Variants in SLC35E4 observed in about 807,000 individuals in gnomAD.
The protein encoded by SLC35E4 is solute carrier family 35, member E4.
SLC35E4 carries 15 observed loss-of-function variants against 19.3 expected under a neutral mutation model. The ratio of observed to expected loss-of-function variants is 0.78; its 90% CI spans 0.52 to 1.20. The LOEUF (loss-of-function observed/expected upper bound fraction) is 1.20. Among genes scored for constraint, SLC35E4 ranks in the 50% most tolerant of loss-of-function variants. The pLI is 0.00. For synonymous variants in SLC35E4, 219 were observed against 219.9 expected (o/e 1.00, Z 0.04); for missense variants, 406 against 472.3 (o/e 0.86, Z 1.30).
chr22:30,660,993 G>C (rs1004330764), intron 2 of SLC35E4, among the ~76,000 whole-genome samples: 21 of 152,048 alleles, frequency 1.4e-4, no homozygotes, highest in Non-Finnish European at 2.2e-4. Context: ...ACAGGCACTT[G>C]CCACTACGCC....
chr22:30,636,665 C>G lies in SLC35E4; in HGVS notation c.215C>G (p.Thr72Arg), dbSNP rs1898412878. The change falls in exon 1 of 2, where the codon ACA becomes AGA. Residue 72 changes from threonine to arginine, a missense_variant. Transcript: ENST00000343605. ...SMSSLNKWIF[T>R]VHGFGRPLLL... is the part of the protein sequence containing the mutation. ...TCAAGCCTCAACAAGTGGATCTTCACAGTGCACGGCTTTGGGCGGCCCCTG... is the reference window on the plus strand; with the variant it reads ...TCAAGCCTCAACAAGTGGATCTTCAGAGTGCACGGCTTTGGGCGGCCCCTG... The G allele has an allele frequency of 1.2e-6, 2 of 1,611,978 alleles. No individual in the cohort carries two copies. The highest frequency in any genetic ancestry group is 2.7e-5 in the African/African-American group (2 of 74,914).
chr22:30,654,504 T>C lies in SLC35E4; in HGVS notation c.*8+5251T>C, dbSNP rs372851461. The C allele has an allele frequency of 1.1e-3, 471 of 432,022 alleles. 2 individuals carry two copies. Among genetic ancestry groups the C allele is most frequent in the African/African-American group, 9.0e-3 (440 of 49,154 alleles). The allele number at this position is 432,022 out of a possible 1,614,324, so 26.8% of individuals were successfully genotyped here. ...GGTGGTGGGATGCCGTTAAACACCT[T>C]GAGGCGGTCTTGGGCGGCCTGGCTT... is the stretch of plus-strand genomic sequence containing the variant. On this transcript the variant is annotated intron_variant, in intron 2 of 2. Transcript: ENST00000406566.
At chr22:30,664,537 T>G (rs1003206588), downstream of SLC35E4, among the ~76,000 whole-genome samples, 9 of 152,198 alleles carry the variant, frequency 5.9e-5, no homozygotes, top group African/African-American at 1.9e-4. Context: ...ATTTGTACAG[T>G]CTTCCTCCTC....
In SLC35E4 at chr22:30,636,530, C is replaced by T; in HGVS notation, c.80C>T (p.Ala27Val). The T allele has an allele frequency of 6.4e-7, 1 of 1,553,526 alleles. No homozygotes were observed. Among genetic ancestry groups the T allele is most frequent in the Non-Finnish European group, 8.7e-7 (1 of 1,148,138 alleles). The change falls in exon 1 of 2, where the codon GCG (alanine) becomes GTG (valine). Residue 27 changes from alanine (A) to valine (V), a missense_variant. Transcript: ENST00000343605. ...GGAGCAGCAGCTGGTGGTGCTCAGG[C>T]GGCTGGGCCCCCCGAGTGGCCCCCT... ...EVGAAAGGAQ[A>V]AGPPEWPPGS...
Position 30,646,601 on chromosome 22 carries a change from C to G in SLC35E4, c.623C>G (p.Ala208Gly), listed in dbSNP as rs2088133661. Residue 208 changes from alanine to glycine, a missense_variant, in exon 2 of 2, where the codon GCC becomes GGC. Physicochemically the swap from Ala to Gly is moderately conservative, Grantham distance 60. Transcript: ENST00000343605. ...CATGGCGGTTGTCCTGTTGCAGGTG[C>G]CCTGCTGCAGGAGGAGAGGCTGGAC... ...LRGLKSVQQSALLQEERLDAV... is the reference protein window; with the variant it reads ...LRGLKSVQQSGLLQEERLDAV... 1 of 1,593,530 alleles carries G rather than the reference C, an allele frequency of 6.3e-7. No individual in the cohort carries two copies. The highest frequency in any genetic ancestry group is 1.3e-5 in the African/African-American group (1 of 74,720).
chr22:30,638,084 G>A (rs2087978604), intron 1 of SLC35E4, among the ~76,000 whole-genome samples: 1 of 152,140 alleles, frequency 6.6e-6, no homozygotes, highest in Non-Finnish European at 1.5e-5. Flanking sequence ...TGATTTGACA[G>A]GCTGGGCATG....
intron 1 of SLC35E4, among the ~76,000 whole-genome samples, chr22:30,646,151 C>T (rs2088125374): frequency 6.6e-6 from 1 of 152,160 alleles, no homozygotes. Context: ...GCTTATTGAT[C>T]ATTTAGATAT....
chr22:30,655,896 G>C (rs1032716481), intron 2 of SLC35E4, among the ~76,000 whole-genome samples: 4 of 151,764 alleles, frequency 2.6e-5, no homozygotes, highest in Non-Finnish European at 5.9e-5. Context: ...GGTGATATTG[G>C]GTCACGATCC....
intron 2 of SLC35E4, among the ~76,000 whole-genome samples, chr22:30,657,299 AC>A (rs368680613): frequency 0.17 from 10,973 of 64,180 alleles, 813 homozygotes; most frequent in East Asian, 0.4. Context: ...ACACACACAC[AC>A]ACACACAAAT....
chr22:30,668,786 C>G (rs1426243413), exon 3 of SLC35E4: 3 of 152,252 alleles, frequency 2.0e-5, no homozygotes, highest in Non-Finnish European at 2.9e-5. Context: ...CCTTTCCATT[C>G]CATAACCCCC....
chr22:30,663,511 G>A (rs142746950), downstream of SLC35E4: 138 of 1,614,076 alleles, frequency 8.5e-5, no homozygotes, highest in Non-Finnish European at 1.2e-4. Flanking sequence ...CTGACCATGT[G>A]CACAGTGTTC....
chr22:30,667,482 G>C (rs1291480995), downstream of SLC35E4: 5 of 152,200 alleles, frequency 3.3e-5, no homozygotes, highest in Non-Finnish European at 5.9e-5. Context: ...CAGGCGGGTG[G>C]GCGGGTTCGC....
intron 1 of SLC35E4, among the ~76,000 whole-genome samples, chr22:30,642,604 G>A (rs1377568908): frequency 1.3e-5 from 2 of 151,906 alleles, no homozygotes; most frequent in Non-Finnish European, 2.9e-5. Flanking sequence ...AGCTGGGCAT[G>A]CTGGTGCATG....
downstream of SLC35E4, among the ~76,000 whole-genome samples, chr22:30,648,909 G>A (rs952866690): frequency 6.6e-6 from 1 of 152,102 alleles, no homozygotes; most frequent in Non-Finnish European, 1.5e-5. Flanking sequence ...CAGGGGTATA[G>A]GGGAGCAGGG....
In SLC35E4 at chr22:30,636,636, C is replaced by T. The variant is rs1268043876; in HGVS notation, c.186C>T (p.Ser62=). 1 of 1,610,620 alleles carries T rather than the reference C, an allele frequency of 6.2e-7. No individual in the cohort carries two copies. ...AALVWLLAGA[S]MSSLNKWIFT... ...TGGTGTGGCTGCTGGCGGGAGCCAG[C>T]ATGTCAAGCCTCAACAAGTGGATCT... The change falls in exon 1 of 2, where the codon AGC becomes AGT. Residue 62 remains serine (S), a synonymous_variant. Transcript: ENST00000343605.
At chr22:30,660,367 G>A (rs117549865) in intron 2 of SLC35E4, among the ~76,000 whole-genome samples, 6,809 of 152,056 alleles carry the variant, frequency 0.045, 336 homozygotes, top group East Asian at 0.24. Context: ...GCAGAGGCAC[G>A]ATCTTGGCTC....
intron 2 of SLC35E4, among the ~76,000 whole-genome samples, chr22:30,660,195 T>C (rs532914420): frequency 2.6e-5 from 4 of 152,352 alleles, no homozygotes; most frequent in South Asian, 2.1e-4. Flanking sequence ...TTCTGACCTA[T>C]AGAAATTGTG....
chr22:30,640,310 G>A (rs1167927091), intron 1 of SLC35E4, among the ~76,000 whole-genome samples: 3 of 150,680 alleles, frequency 2.0e-5, no homozygotes, highest in Non-Finnish European at 4.4e-5. Flanking sequence ...GGCAGAGGTT[G>A]CAGTGAGCCG....
intron 2 of SLC35E4, among the ~76,000 whole-genome samples, chr22:30,656,768 T>C (rs1386655701): frequency 1.3e-5 from 2 of 152,172 alleles, no homozygotes; most frequent in Admixed American, 1.3e-4. Flanking sequence ...CCACTTAGGA[T>C]ATGAACTCCT....
Sources: allele counts gnomAD v4.1 joint callset (sites outside exome capture counted in the v4.1 genomes callset), GRCh38; gene constraint gnomAD v4.1.1; transcripts MANE v1.5; gene names NCBI Gene and HGNC (gene_info 2026-07-23, HGNC 2026-07-21).